The following SLC35F4 variants were observed in gnomAD, a reference collection of about 807,000 sequenced individuals.
SLC35F4 encodes chromosome 14 open reading frame 36.
In SLC35F4, 24 loss-of-function variants were observed where a neutral mutation model predicts 44.2. That is an observed-to-expected ratio of 0.54 (90% CI 0.39 to 0.76). SLC35F4 has a LOEUF of 0.76. Ranked by LOEUF, SLC35F4 falls within the 30% of genes least tolerant of loss-of-function variation. The probability of loss-of-function intolerance (pLI) is 0.00; values close to 1 mark genes in which losing one functional copy is unlikely to be tolerated. For synonymous variants in SLC35F4, 238 were observed against 223.6 expected (o/e 1.06, Z -0.57); for missense variants, 562 against 586.1 (o/e 0.96, Z 0.42).
chr14:57,940,975 A>G (rs762889287), intron 1 of SLC35F4, among the ~76,000 whole-genome samples: 10 of 152,222 alleles, frequency 6.6e-5, no homozygotes, highest in Non-Finnish European at 1.3e-4. Flanking sequence ...ATTAGTCATT[A>G]GGGAAAACGA....
At chr14:57,835,438 C>T (rs1481868768) in intron 1 of SLC35F4, among the ~76,000 whole-genome samples, 1 of 152,196 alleles carries the variant, frequency 6.6e-6, no homozygotes, top group Non-Finnish European at 1.5e-5. Context: ...TTCTAACTCT[C>T]CCAACCCCCA....
At chr14:57,797,539 T>C (rs2078082353) in intron 1 of SLC35F4, among the ~76,000 whole-genome samples, 2 of 152,178 alleles carry the variant, frequency 1.3e-5, no homozygotes, top group South Asian at 2.1e-4. Context: ...TGTAAAATAA[T>C]AGAATTAAAA....
At chr14:57,925,075 C>T (rs1346309625) in intron 1 of SLC35F4, among the ~76,000 whole-genome samples, 1 of 151,994 alleles carries the variant, frequency 6.6e-6, no homozygotes, top group African/African-American at 2.4e-5. Context: ...TTTTAACAAG[C>T]TCTCGCAGGA....
chr14:57,877,803 G>A lies in SLC35F4; in HGVS notation n.282+104110C>T, dbSNP rs542416807. Among the ~76,000 whole-genome samples, 5 of 140,664 alleles carry A rather than the reference G, an allele frequency of 3.6e-5. No homozygotes were observed. The East Asian group carries it at 1.2e-3, about 33-fold the overall frequency. 92.3% of individuals were successfully genotyped at this position (140,664 alleles called of 152,430 possible). ...GGGTTCAAGCTATTCTTCTCTCTCA[G>A]CCTCCCAAGTAGATGGGATTACAGG... On this transcript the variant is annotated intron_variant and non_coding_transcript_variant, in intron 1 of 1. Transcript: ENST00000556568.
chr14:57,635,069 G>A (rs2072959246), intron 1 of SLC35F4, among the ~76,000 whole-genome samples: 1 of 152,018 alleles, frequency 6.6e-6, no homozygotes, highest in Non-Finnish European at 1.5e-5. Context: ...GGGCATCATA[G>A]TGAAACTCTG....
chr14:57,783,073 T>A (rs1271359892), intron 1 of SLC35F4, among the ~76,000 whole-genome samples: 2 of 152,154 alleles, frequency 1.3e-5, no homozygotes, highest in Non-Finnish European at 2.9e-5. Flanking sequence ...CTTGCATTTT[T>A]TGCAAGTTAC....
intron 1 of SLC35F4, among the ~76,000 whole-genome samples, chr14:57,697,402 C>T (rs923235143): frequency 1.3e-5 from 2 of 151,916 alleles, no homozygotes; most frequent in African/African-American, 4.8e-5. Context: ...TATTATAGAA[C>T]ATTTAGAAAA....
chr14:57,887,498 T>A (rs1002441374), intron 1 of SLC35F4, among the ~76,000 whole-genome samples: 5 of 152,188 alleles, frequency 3.3e-5, no homozygotes, highest in Non-Finnish European at 5.9e-5. Context: ...GACTAAAAAC[T>A]GAGAAACAGA....
At chr14:57,809,561 G>A (rs1881732815) in intron 1 of SLC35F4, among the ~76,000 whole-genome samples, 2 of 152,218 alleles carry the variant, frequency 1.3e-5, no homozygotes, top group Non-Finnish European at 2.9e-5. Context: ...TTGGACCATA[G>A]TGTGAAGTGA....
chr14:57,911,427 T>A (rs1021954270), intron 1 of SLC35F4, among the ~76,000 whole-genome samples: 1 of 152,046 alleles, frequency 6.6e-6, no homozygotes, highest in Non-Finnish European at 1.5e-5. Context: ...AGGCTTTTTG[T>A]AGATGTTCTT....
chr14:57,671,523 G>A (rs2074522239), intron 1 of SLC35F4, among the ~76,000 whole-genome samples: 1 of 151,950 alleles, frequency 6.6e-6, no homozygotes, highest in Non-Finnish European at 1.5e-5. Context: ...ACCCAGTCCT[G>A]GCAGCATTTA....
chr14:57,639,376 A>G (rs1365571049), intron 1 of SLC35F4, among the ~76,000 whole-genome samples: 3 of 152,010 alleles, frequency 2.0e-5, no homozygotes, highest in African/African-American at 7.2e-5. Context: ...AAAACACAGA[A>G]GATTCATTGA....
At chr14:57,979,569 T>C (rs1881318016) in intron 1 of SLC35F4, among the ~76,000 whole-genome samples, 1 of 152,140 alleles carries the variant, frequency 6.6e-6, no homozygotes, top group African/African-American at 2.4e-5. Context: ...CAAAGAATAC[T>C]CAGCTTTCAT....
upstream of SLC35F4, among the ~76,000 whole-genome samples, chr14:57,982,914 C>T (rs1209886229): frequency 6.6e-6 from 1 of 152,132 alleles, no homozygotes; most frequent in Non-Finnish European, 1.5e-5. Flanking sequence ...TCCTCTCTCT[C>T]CATTTATGGG....
intron 1 of SLC35F4, among the ~76,000 whole-genome samples, chr14:57,835,140 A>G (rs967901435): frequency 4.6e-5 from 7 of 152,384 alleles, no homozygotes; most frequent in African/African-American, 1.7e-4. Flanking sequence ...AACCAGTGTT[A>G]TTCACTGTGC....
chr14:57,581,901 C>CGA (rs2069301369), intron 3 of SLC35F4, among the ~76,000 whole-genome samples: 1 of 152,182 alleles, frequency 6.6e-6, no homozygotes, highest in Non-Finnish European at 1.5e-5. Context: ...GATTTTATTT[C>CGA]TAAGACACTA....
intron 1 of SLC35F4, among the ~76,000 whole-genome samples, chr14:57,970,124 T>C (rs1374213021): frequency 2.6e-5 from 4 of 152,170 alleles, no homozygotes; most frequent in Admixed American, 6.5e-5. Flanking sequence ...CTCAGTAACT[T>C]GAGAAAATAT....
chr14:57,959,463 G>A (rs1297600450), intron 1 of SLC35F4, among the ~76,000 whole-genome samples: 2 of 152,034 alleles, frequency 1.3e-5, no homozygotes, highest in Admixed American at 6.5e-5. Context: ...ATTTAGCCCC[G>A]GGTTACAGAA....
intron 1 of SLC35F4, among the ~76,000 whole-genome samples, chr14:57,655,282 T>C (rs1336636649): frequency 2.0e-5 from 3 of 152,130 alleles, no homozygotes; most frequent in African/African-American, 7.2e-5. Context: ...ACCAAGTGAT[T>C]GAATGCTCTG....
Sources: gnomAD v4.1 joint callset for allele counts (sites outside exome capture counted in the v4.1 genomes callset) on GRCh38, gnomAD v4.1.1 for gene constraint, MANE v1.5 for transcripts, NCBI Gene and HGNC (gene_info 2026-07-23, HGNC 2026-07-21) for gene names.